FCF1: variants seen among roughly 807,000 people sequenced by gnomAD.
The protein encoded by FCF1 is rRNA-processing protein FCF1 homolog.
Under a neutral mutation model 32.5 loss-of-function variants are expected in FCF1, and 17 were observed. The ratio of observed to expected loss-of-function variants is 0.52; its 90% CI spans 0.36 to 0.78. The LOEUF (loss-of-function observed/expected upper bound fraction) is 0.78, where lower values mean the gene tolerates loss of function less well. FCF1 is among the 30% of genes least tolerant of loss of function. FCF1 has a pLI of 0.00. For missense variants in FCF1, 201 were observed against 241.1 expected, an observed-to-expected ratio of 0.83 and a Z score of 1.10; for synonymous variants, 84 against 78.4, an observed-to-expected ratio of 1.07 and a Z score of -0.38.
chr14:74,722,047 C>CTTTTTTTT (rs59367492), intron 4 of FCF1, among the ~76,000 whole-genome samples: 3 of 121,386 alleles, frequency 2.5e-5, no homozygotes, highest in Non-Finnish European at 3.3e-5. Flanking sequence ...TGGGTATTTT[C>CTTTTTTTT]TTTTTTTTTT....
intron 2 of FCF1, 89 bp from the exon 3 acceptor site, chr14:74,714,778 CAAAAA>C: frequency 6.1e-6 from 8 of 1,309,634 alleles, no homozygotes; most frequent in Admixed American, 3.3e-5. Context: ...TTCAGTAGAC[CAAAAA>C]AAAAAAAAAA....
At chr14:74,718,481 A>ATG (rs1175861931) in intron 4 of FCF1, among the ~76,000 whole-genome samples, 1 of 151,682 alleles carries the variant, frequency 6.6e-6, no homozygotes, top group East Asian at 1.9e-4. Flanking sequence ...ATTAAAATAT[A>ATG]TATATATATT....
chr14:74,713,412 C>A, intron 1 of FCF1, 73 bp from the exon 2 acceptor site: 1 of 1,552,152 alleles, frequency 6.4e-7, no homozygotes, highest in Non-Finnish European at 8.8e-7. Flanking sequence ...AGGCAATAGA[C>A]AAGAGAAAAG....
At chr14:74,713,226 A>G (rs1204486662) in intron 1 of FCF1, 26 bp downstream of exon 1, 1 of 1,614,188 alleles carries the variant, frequency 6.2e-7, no homozygotes, top group Middle Eastern at 1.6e-4. Flanking sequence ...CCAAGAAGGG[A>G]CGTTATCAGG....
intron 4 of FCF1, among the ~76,000 whole-genome samples, chr14:74,716,528 A>C (rs534453549): frequency 1.3e-5 from 2 of 152,328 alleles, no homozygotes; most frequent in South Asian, 4.1e-4. Context: ...GAAGTTAGAT[A>C]GATGATGGTC....
At chr14:74,729,394 G>C (rs1180509474) in intron 5 of FCF1, among the ~76,000 whole-genome samples, 1 of 152,030 alleles carries the variant, frequency 6.6e-6, no homozygotes, top group East Asian at 1.9e-4. Flanking sequence ...TTGCGTAGAG[G>C]TGTTTGTAGT....
chr14:74,733,939 AATTGTT>A lies in FCF1; in HGVS notation c.454-134_454-129del, dbSNP rs1429760145. On this transcript the variant is annotated intron_variant, in intron 6 of 7. Coordinates refer to ENST00000341162, the MANE Select transcript of FCF1 (RefSeq NM_015962.5). Reference sequence around the variant, plus strand: ...CCTAGATCATAGTAGGTACTCAACAAATTGTTATAGCCTGCCCTTCGCTACTTACTG... The same window carrying A: ...CCTAGATCATAGTAGGTACTCAACAAATAGCCTGCCCTTCGCTACTTACTG... The A allele has an allele frequency of 5.3e-6, 3 of 566,070 alleles. No individual in the cohort carries two copies. In the African/African-American group the frequency reaches 5.6e-5, roughly 11 times the overall value. 35.1% of individuals were successfully genotyped at this position (566,070 alleles called of 1,614,324 possible). A position where few individuals can be genotyped will look rare whatever the true frequency, so the allele number is the denominator to read the frequency against.
At chr14:74,734,357 A>T (rs2090678297) in intron 7 of FCF1, among the ~76,000 whole-genome samples, 187 bp downstream of exon 7, 2 of 143,400 alleles carry the variant, frequency 1.4e-5, no homozygotes, top group Admixed American at 1.4e-4. Flanking sequence ...TTAAGGAATG[A>T]GGCAAACATT....
At chr14:74,726,096 T>A (rs953475035) in intron 5 of FCF1, among the ~76,000 whole-genome samples, 4 of 151,924 alleles carry the variant, frequency 2.6e-5, no homozygotes, top group African/African-American at 9.7e-5. Context: ...AGCTGTGGAA[T>A]GCTCATGAAT....
At position 74,713,197 on chromosome 14, in the gene FCF1, C is replaced by A; in HGVS notation, c.-1C>A. 1.9e-6 allele frequency: 3 copies of A among 1,614,170 alleles called. No homozygotes were observed. Among genetic ancestry groups the A allele is most frequent in the Non-Finnish European group, 2.5e-6 (3 of 1,180,048 alleles). Reference sequence around the variant, plus strand: ...GGAAGAACCAGGAGTTTGGCGTGACCATGGTGAGAGAAGACGGTCCAAGAA... The same window carrying A: ...GGAAGAACCAGGAGTTTGGCGTGACAATGGTGAGAGAAGACGGTCCAAGAA... On this transcript the variant is annotated 5_prime_UTR_variant, in exon 1 of 8. Coordinates refer to ENST00000341162, the MANE Select transcript of FCF1 (RefSeq NM_015962.5).
At chr14:74,730,223 T>C (rs2090617333) in intron 5 of FCF1, among the ~76,000 whole-genome samples, 1 of 148,632 alleles carries the variant, frequency 6.7e-6, no homozygotes, top group Non-Finnish European at 1.5e-5. Flanking sequence ...TTTTTTTTTT[T>C]TTTTTTAAAG....
At chr14:74,718,302 GC>G (rs898979280) in intron 4 of FCF1, among the ~76,000 whole-genome samples, 8 of 152,036 alleles carry the variant, frequency 5.3e-5, no homozygotes, top group Admixed American at 2.0e-4. Context: ...CTTCCCATTG[GC>G]TTTCTCTTCT....
intron 3 of FCF1, among the ~76,000 whole-genome samples, chr14:74,715,290 G>T (rs1566713921): frequency 1.3e-5 from 2 of 151,976 alleles, no homozygotes; most frequent in African/African-American, 2.4e-5. Flanking sequence ...TCAGAATAAA[G>T]ATATTTATAT....
Position 74,732,785 on chromosome 14 carries a change from T to C in FCF1, c.420T>C (p.Tyr140=). 1 of 1,611,958 alleles carries C rather than the reference T, an allele frequency of 6.2e-7. No individual in the cohort carries two copies. Among genetic ancestry groups the C allele is most frequent in the Non-Finnish European group, 8.5e-7 (1 of 1,178,306 alleles). ...ERLPCTHKGT[Y]ADDCLVQRVT... is the part of the protein sequence containing the mutation. ...TACCATGTACACACAAAGGAACCTATGCAGATGACTGCTTAGTACAGAGAG... is the reference window on the plus strand; with the variant it reads ...TACCATGTACACACAAAGGAACCTACGCAGATGACTGCTTAGTACAGAGAG... The change falls in exon 6 of 8, where the codon TAT becomes TAC. Residue 140 remains tyrosine, a synonymous_variant. Transcript: ENST00000341162.
chr14:74,725,145 T>C (rs2090559236), intron 5 of FCF1, among the ~76,000 whole-genome samples: 1 of 151,682 alleles, frequency 6.6e-6, no homozygotes, highest in Non-Finnish European at 1.5e-5. Context: ...CATCTTCTTA[T>C]GTACGTAATA....
chr14:74,727,219 G>A (rs1198984885), intron 5 of FCF1, among the ~76,000 whole-genome samples: 3 of 152,264 alleles, frequency 2.0e-5, no homozygotes, highest in African/African-American at 7.2e-5. Flanking sequence ...TTACAGTCCT[G>A]CCAACAGTGT....
chr14:74,722,887 A>G (rs2140027837), intron 4 of FCF1, among the ~76,000 whole-genome samples: 2 of 152,156 alleles, frequency 1.3e-5, no homozygotes, highest in Middle Eastern at 6.8e-3. Context: ...ACTAGAACCC[A>G]GGAGTTTGAG....
chr14:74,721,210 A>T (rs1241780916), intron 4 of FCF1, among the ~76,000 whole-genome samples: 1 of 151,404 alleles, frequency 6.6e-6, no homozygotes, highest in East Asian at 2.0e-4. Flanking sequence ...ACGCCCAGCT[A>T]ATTTTTTTGT....
At chr14:74,732,707 A>G in intron 5 of FCF1, 24 bp from the exon 6 acceptor site, 3 of 1,498,292 alleles carry the variant, frequency 2.0e-6, no homozygotes, top group South Asian at 1.1e-5. Flanking sequence ...AGCTGATTGA[A>G]TGTTTTCTTT....
Sources: allele counts gnomAD v4.1 joint callset (sites outside exome capture counted in the v4.1 genomes callset), GRCh38; gene constraint gnomAD v4.1.1; transcripts MANE v1.5; gene names NCBI Gene and HGNC (gene_info 2026-07-23, HGNC 2026-07-21).